The following SYNE1 variants were observed in gnomAD, a reference collection of about 807,000 sequenced individuals.
SYNE1 encodes the protein nesprin-1.
In SYNE1, 616 loss-of-function variants were observed where a neutral mutation model predicts 1,111.0. The ratio of observed to expected loss-of-function variants is 0.55; its 90% CI spans 0.52 to 0.59. SYNE1 has a LOEUF of 0.59. Among genes scored for constraint, SYNE1 ranks in the 20% least tolerant of loss-of-function variants. The pLI is 0.00. For missense variants in SYNE1, 10,006 were observed against 10,417.0 expected (o/e 0.96, Z 1.72); for synonymous variants, 3,855 against 3,825.8 (o/e 1.01, Z -0.28).
chr6:152,613,581 A>G (rs534776677), intron 3 of SYNE1, among the ~76,000 whole-genome samples: 5 of 152,326 alleles, frequency 3.3e-5, no homozygotes, highest in Middle Eastern at 3.4e-3. Context: ...TGCCCAAGGT[A>G]ATTAATAGAT....
intron 31 of SYNE1, 148 bp from the exon 32 acceptor site, chr6:152,441,418 T>C (rs2098529124): frequency 1.2e-6 from 1 of 839,802 alleles, no homozygotes; most frequent in Non-Finnish European, 1.8e-6. Context: ...TCTAGTATCT[T>C]CTGTAAGAAT....
intron 3 of SYNE1, among the ~76,000 whole-genome samples, chr6:152,598,302 C>T (rs1387756019): frequency 2.6e-5 from 4 of 152,112 alleles, no homozygotes; most frequent in Admixed American, 2.0e-4. Flanking sequence ...TCTTATCTTG[C>T]CTGCTGCCAT....
chr6:152,284,662 CTA>C (rs2094229388), intron 95 of SYNE1, among the ~76,000 whole-genome samples: 1 of 134,216 alleles, frequency 7.5e-6, no homozygotes, highest in South Asian at 2.4e-4. Context: ...CAGGATCATG[CTA>C]TGTTGCCCAG....
chr6:152,347,981 C>T (rs4869766), intron 72 of SYNE1, among the ~76,000 whole-genome samples: 85,551 of 151,736 alleles, frequency 0.56, 24,528 homozygotes, highest in East Asian at 0.65. Context: ...TGAGCCACCA[C>T]GCCCGGCCTG....
intron 100 of SYNE1, 38 bp from the exon 101 acceptor site, chr6:152,262,226 AC>A: frequency 6.3e-7 from 1 of 1,595,918 alleles, no homozygotes; most frequent in Non-Finnish European, 8.6e-7. Flanking sequence ...TACAATGTGC[AC>A]AAAAAAGTGA....
chr6:152,382,534 A>G (rs902725576), intron 55 of SYNE1, among the ~76,000 whole-genome samples: 8 of 152,206 alleles, frequency 5.3e-5, no homozygotes, highest in African/African-American at 1.9e-4. Flanking sequence ...TCAGTTGTGC[A>G]GTAGTCTAAA....
rs3076635 is a variant in SYNE1, at chr6:152,489,457, C to CTTTTTT, written c.940-960_940-955dup. Among the ~76,000 whole-genome samples the CTTTTTT allele has an allele frequency of 6.7e-4, 75 of 112,288 alleles. 3 individuals are homozygous for CTTTTTT. The highest frequency in any genetic ancestry group is 2.2e-3 in the African/African-American group (65 of 30,014). 73.7% of individuals were successfully genotyped at this position (112,288 alleles called of 152,430 possible). A position where few individuals can be genotyped will look rare whatever the true frequency, so the allele number is the denominator to read the frequency against. ...CATTAGCTCTGTGAGCTTGGTGTGTCTTTTTTTTTTTTTTTTTTCGTTAAC... is the reference window on the plus strand; with the variant it reads ...CATTAGCTCTGTGAGCTTGGTGTGTCTTTTTTTTTTTTTTTTTTTTTTTTCGTTAAC... On this transcript the variant is annotated intron_variant, in intron 11 of 145. Coordinates refer to ENST00000367255, the MANE Select transcript of SYNE1 (RefSeq NM_182961.4).
intron 73 of SYNE1, among the ~76,000 whole-genome samples, chr6:152,346,254 C>T (rs1282144045): frequency 6.6e-6 from 1 of 152,046 alleles, no homozygotes; most frequent in Non-Finnish European, 1.5e-5. Context: ...GCAATCTCTG[C>T]CTCCCACGTT....
intron 87 of SYNE1, among the ~76,000 whole-genome samples, chr6:152,314,998 G>GA (rs917143387): frequency 5.6e-5 from 8 of 142,340 alleles, no homozygotes; most frequent in Non-Finnish European, 7.7e-5. Context: ...TCTCAAAAAA[G>GA]AAAAAAAAAG....
intron 54 of SYNE1, among the ~76,000 whole-genome samples, chr6:152,386,242 G>T (rs1325121809): frequency 1.3e-5 from 2 of 152,144 alleles, no homozygotes; most frequent in Admixed American, 1.3e-4. Context: ...CTGTGAGGAA[G>T]ATACTATTAT....
At chr6:152,512,361 T>C (rs894556854) in intron 6 of SYNE1, among the ~76,000 whole-genome samples, 1 of 152,294 alleles carries the variant, frequency 6.6e-6, no homozygotes, top group Admixed American at 6.5e-5. Context: ...GTTTAAGATA[T>C]CTTTATGGAA....
At chr6:152,513,864 C>G (rs1564569281) in intron 6 of SYNE1, among the ~76,000 whole-genome samples, 1 of 151,920 alleles carries the variant, frequency 6.6e-6, no homozygotes, top group Admixed American at 6.6e-5. Context: ...ATGAGGCCAA[C>G]AAACATGAAA....
intron 115 of SYNE1, among the ~76,000 whole-genome samples, 169 bp downstream of exon 115, chr6:152,230,378 T>C (rs958222454): frequency 1.9e-4 from 29 of 152,166 alleles, no homozygotes; most frequent in African/African-American, 7.0e-4. Context: ...AAACCTAATG[T>C]ATTTTAAAAA....
chr6:152,446,173 G>A (rs1198639109), intron 29 of SYNE1, among the ~76,000 whole-genome samples: 1 of 145,032 alleles, frequency 6.9e-6, no homozygotes, highest in East Asian at 2.0e-4. Context: ...ATAACGACAA[G>A]TATTTGTTTG....
chr6:152,498,846 A>G (rs750938273), intron 10 of SYNE1, 54 bp from the exon 11 acceptor site: 90 of 1,065,062 alleles, frequency 8.5e-5, no homozygotes, highest in Non-Finnish European at 1.1e-4. Flanking sequence ...AGGGTCAAAA[A>G]TTATTTAGAA....
At position 152,353,561 on chromosome 6, in the gene SYNE1, T is replaced by C. The variant is rs375139595; in HGVS notation, c.11082+28A>G. ...TTTTGGCTGGCGAAGTTTGCTGGTC[T>C]ATGCTGAGCACCTGGTGACCCACTC... On this transcript the variant is annotated intron_variant, in intron 68 of 145. Transcript: ENST00000367255. The C allele has an allele frequency of 6.8e-6, 11 of 1,614,022 alleles. No individual in the cohort carries two copies. The African/African-American group carries it at 9.3e-5, about 14-fold the overall frequency.
At chr6:152,490,457 G>A (rs1249872982) in intron 11 of SYNE1, among the ~76,000 whole-genome samples, 2 of 152,230 alleles carry the variant, frequency 1.3e-5, no homozygotes, top group Non-Finnish European at 2.9e-5. Context: ...TTCCACCATT[G>A]TGATTTGTTC....
At chr6:152,433,599 A>G in intron 34 of SYNE1, 196 bp downstream of exon 34, 2 of 604,028 alleles carry the variant, frequency 3.3e-6, no homozygotes, top group Non-Finnish European at 5.8e-6. Context: ...AGACAATGTG[A>G]ATACATAATT....
At chr6:152,221,074 C>G (rs1407990856) in intron 118 of SYNE1, 28 bp from the exon 119 acceptor site, 1 of 1,609,298 alleles carries the variant, frequency 6.2e-7, no homozygotes, top group African/African-American at 1.3e-5. Context: ...CACTCATGAG[C>G]AGATTACCAC....
Sources: gnomAD v4.1 joint callset for allele counts (sites outside exome capture counted in the v4.1 genomes callset) on GRCh38, gnomAD v4.1.1 for gene constraint, MANE v1.5 for transcripts, NCBI Gene and HGNC (gene_info 2026-07-23, HGNC 2026-07-21) for gene names.